ALG9: variants seen among roughly 807,000 people sequenced by gnomAD.
ALG9 encodes ALG9 alpha-1,2-mannosyltransferase, also known as alpha-1,2-mannosyltransferase ALG9.
In ALG9, 55 loss-of-function variants were observed where a neutral mutation model predicts 81.8. The observed-to-expected ratio is 0.67, with a 90% CI of 0.54 to 0.84. ALG9 has a LOEUF of 0.84. Among genes scored for constraint, ALG9 ranks in the 40% least tolerant of loss-of-function variants. The pLI is 0.00. For synonymous variants in ALG9, 278 were observed against 274.3 expected (o/e 1.01, Z -0.13); for missense variants, 629 against 745.0 (o/e 0.84, Z 1.81).
Position 111,812,423 on chromosome 11 carries a change from C to T in ALG9, c.1603-2650G>A, listed in dbSNP as rs1256331401. On this transcript the variant is annotated intron_variant, in intron 13 of 14. Transcript: ENST00000616540. ...TTTCCACAAAAATTTAAAAATTAGC[C>T]GGGCATGGTGGTATGTACCAATAGT... Among the ~76,000 whole-genome samples, 6 of 152,152 alleles carry T rather than the reference C, an allele frequency of 3.9e-5. No individual in the cohort carries two copies. In the East Asian group the frequency reaches 9.7e-4, roughly 24 times the overall value.
intron 14 of ALG9, among the ~76,000 whole-genome samples, chr11:111,791,285 T>C (rs767167562): frequency 1.4e-4 from 22 of 152,200 alleles, no homozygotes; most frequent in Admixed American, 7.9e-4. Flanking sequence ...TAACTTAGCA[T>C]ATGGTAAATT....
chr11:111,834,928 G>T (rs1035654132), intron 13 of ALG9, among the ~76,000 whole-genome samples: 4 of 152,194 alleles, frequency 2.6e-5, no homozygotes, highest in Admixed American at 2.6e-4. Flanking sequence ...AGAAACGCCT[G>T]TCTTACAAGG....
Position 111,786,118 on chromosome 11 carries a change from A to G in ALG9, c.*279T>C. 1 of 502,544 alleles carries G rather than the reference A, an allele frequency of 2.0e-6. No individual in the cohort carries two copies. The highest frequency in any genetic ancestry group is 3.9e-6 in the Non-Finnish European group (1 of 257,748). 31.1% of individuals were successfully genotyped at this position (502,544 alleles called of 1,614,324 possible). ...GTCTAGTAAATAATTGAACAGAGGA[A>G]AAACAATGAGATGTGGAGCAATATA... On this transcript the variant is annotated 3_prime_UTR_variant, in exon 15 of 15. Transcript: ENST00000616540.
Position 111,805,015 on chromosome 11 carries a change from A to G in ALG9, c.1733+4628T>C, listed in dbSNP as rs994265273. ...CACAAAAACCTGCACAGGGATGTTT[A>G]TAGCAGCTTTATTAATAATTGCTGT... On this transcript the variant is annotated intron_variant, in intron 14 of 14. Transcript: ENST00000616540. 1.8e-5 allele frequency: 5 copies of G among 272,608 alleles called. No individual in the cohort carries two copies. In the Admixed American group the frequency reaches 2.0e-4, roughly 11 times the overall value. 16.9% of individuals were successfully genotyped at this position (272,608 alleles called of 1,614,324 possible). A position where few individuals can be genotyped will look rare whatever the true frequency, so the allele number is the denominator to read the frequency against.
At position 111,860,778 on chromosome 11, in the gene ALG9, C is replaced by G. The variant is rs1959800471; in HGVS notation, c.477-143G>C. On this transcript the variant is annotated intron_variant, in intron 4 of 14. Coordinates refer to ENST00000616540, the MANE Select transcript of ALG9 (RefSeq NM_024740.2). ...CCTTGTCAGGTTTGTTAGCAATTCA[C>G]TGTGCATAAGAAACCCAAACATTCT... 6 of 652,164 alleles carry G rather than the reference C, an allele frequency of 9.2e-6. No homozygotes were observed. The South Asian group carries it at 1.2e-4, about 13-fold the overall frequency. The allele number at this position is 652,164 out of a possible 1,614,324, so 40.4% of individuals were successfully genotyped here. A position where few individuals can be genotyped will look rare whatever the true frequency, so the allele number is the denominator to read the frequency against.
chr11:111,781,046 A>C (rs941792491), downstream of ALG9, among the ~76,000 whole-genome samples: 1 of 152,224 alleles, frequency 6.6e-6, no homozygotes, highest in Non-Finnish European at 1.5e-5. Flanking sequence ...CCCTAAAAGT[A>C]ACAGTAACAA....
chr11:111,781,108 A>G (rs1477866657), downstream of ALG9, among the ~76,000 whole-genome samples: 3 of 152,234 alleles, frequency 2.0e-5, no homozygotes, highest in Non-Finnish European at 2.9e-5. Flanking sequence ...AAAGTTGTGG[A>G]CTTCTCCTTC....
intron 8 of ALG9, among the ~76,000 whole-genome samples, chr11:111,851,607 TGGA>T (rs1334131844): frequency 2.0e-5 from 3 of 151,906 alleles, no homozygotes; most frequent in Non-Finnish European, 4.4e-5. Flanking sequence ...ATTATAAAGG[TGGA>T]GAAGTCAATT....
intron 13 of ALG9, among the ~76,000 whole-genome samples, chr11:111,834,809 T>A (rs1954960167): frequency 6.6e-6 from 1 of 152,174 alleles, no homozygotes; most frequent in Non-Finnish European, 1.5e-5. Flanking sequence ...TATCTGCAGA[T>A]AAAATTAAAA....
rs368745415 is a variant in ALG9, at chr11:111,828,116, C to A, written c.1602+8049G>T. Among the ~76,000 whole-genome samples, 352 of 152,146 alleles carry A rather than the reference C, an allele frequency of 2.3e-3. 2 individuals carry two copies. The highest frequency in any genetic ancestry group is 8.1e-3 in the African/African-American group (337 of 41,494). On this transcript the variant is annotated intron_variant, in intron 13 of 14. Transcript: ENST00000616540. The stretch of plus-strand genomic sequence containing the variant: ...GGCTGAGGAAGGGGAATTGCTTGAA[C>A]CAGACAGATGGAGGTTGCAGTGAGC...
chr11:111,820,798 T>C (rs1192173414), intron 13 of ALG9, among the ~76,000 whole-genome samples: 2 of 152,154 alleles, frequency 1.3e-5, no homozygotes, highest in Non-Finnish European at 2.9e-5. Context: ...AATACAAATG[T>C]AGGGCCAGGT....
At chr11:111,859,384 C>T (rs1373148448) in intron 5 of ALG9, among the ~76,000 whole-genome samples, 3 of 151,970 alleles carry the variant, frequency 2.0e-5, no homozygotes, top group Admixed American at 6.6e-5. Context: ...CGCCTGTAAT[C>T]CCAGCTACTC....
intron 14 of ALG9, chr11:111,798,206 A>G: frequency 3.1e-6 from 1 of 324,390 alleles, no homozygotes; most frequent in Non-Finnish European, 6.1e-6. Flanking sequence ...CTGTCTTAAA[A>G]AGAAAAAAAT....
At chr11:111,847,708 A>G (rs182913582) in intron 8 of ALG9, among the ~76,000 whole-genome samples, 56 of 152,194 alleles carry the variant, frequency 3.7e-4, no homozygotes, top group African/African-American at 1.3e-3. Context: ...AGTCTATCCT[A>G]TTCTAAATTT....
At chr11:111,827,281 A>G (rs1953490206) in intron 13 of ALG9, among the ~76,000 whole-genome samples, 1 of 152,154 alleles carries the variant, frequency 6.6e-6, no homozygotes, top group Admixed American at 6.5e-5. Flanking sequence ...GTTTGAGACC[A>G]GCATGACCAA....
intron 14 of ALG9, among the ~76,000 whole-genome samples, chr11:111,806,587 AC>A (rs1357370394): frequency 6.6e-6 from 1 of 151,930 alleles, no homozygotes; most frequent in Non-Finnish European, 1.5e-5. Context: ...CCTAATCTCT[AC>A]ACACTGGAGT....
intron 10 of ALG9, 90 bp downstream of exon 10, chr11:111,840,565 G>A (rs1555122696): frequency 1.4e-6 from 2 of 1,457,350 alleles, no homozygotes; most frequent in African/African-American, 2.8e-5. Flanking sequence ...ATCTTAGGTG[G>A]AAGCATTCTG....
chr11:111,781,533 T>C (rs909038964), downstream of ALG9, among the ~76,000 whole-genome samples: 26 of 152,272 alleles, frequency 1.7e-4, no homozygotes, highest in African/African-American at 6.3e-4. Context: ...CTAAGAAAAT[T>C]AGACTCTCAC....
the ALG9 span, among the ~76,000 whole-genome samples, chr11:111,770,071 C>T: frequency 2.0e-5 from 3 of 152,112 alleles, no homozygotes; most frequent in Non-Finnish European, 4.4e-5. Context: ...AGGTAATAAA[C>T]ATGGAGATGC....
Sources: gnomAD v4.1 joint callset for allele counts (sites outside exome capture counted in the v4.1 genomes callset) on GRCh38, gnomAD v4.1.1 for gene constraint, MANE v1.5 for transcripts, NCBI Gene and HGNC (gene_info 2026-07-23, HGNC 2026-07-21) for gene names.